The following STAC variants were observed in gnomAD, a reference collection of about 807,000 sequenced individuals.
STAC encodes SH3 and cysteine rich domain.
A neutral mutation model predicts 48.8 loss-of-function variants in STAC; 43 were observed. The observed-to-expected ratio is 0.88, with a 90% CI of 0.69 to 1.14. STAC has a LOEUF of 1.14. Ranked by LOEUF, STAC falls within the 50% of genes most tolerant of loss-of-function variation. STAC has a pLI of 0.00. For missense variants in STAC, 497 were observed against 504.0 expected (o/e 0.99, Z 0.13); for synonymous variants, 193 against 179.5 (o/e 1.07, Z -0.60).
At chr3:36,538,042 A>G (rs892466742) in intron 10 of STAC, among the ~76,000 whole-genome samples, 1 of 152,144 alleles carries the variant, frequency 6.6e-6, no homozygotes, top group Admixed American at 6.6e-5. Context: ...AAGAGGTATA[A>G]AAGATAAAAT....
intron 1 of STAC, among the ~76,000 whole-genome samples, chr3:36,392,331 C>A (rs932806411): frequency 8.6e-5 from 13 of 151,982 alleles, no homozygotes; most frequent in Non-Finnish European, 1.5e-5. Flanking sequence ...ATGCTAATAT[C>A]TAGTCCTTTC....
rs1350983890 is a variant in STAC at position 36,443,858 on chromosome 3, C to G, written c.388+218C>G. Among the ~76,000 whole-genome samples the G allele has an allele frequency of 6.6e-6, 1 of 152,176 alleles. No individual in the cohort carries two copies. The highest frequency in any genetic ancestry group is 1.9e-4 in the East Asian group (1 of 5,198). ...AGTTGGGTTGTGATATAGTTGTAAT[C>G]AGGACTTCAGCTGATCCCCTGTAGA... is the stretch of plus-strand genomic sequence containing the variant. On this transcript the variant is annotated intron_variant, in intron 2 of 10. Coordinates refer to ENST00000273183, the MANE Select transcript of STAC (RefSeq NM_003149.3). This position sits in a 1 kb window ranked among gnomAD's most constrained non-coding sequence, Gnocchi z 4.2.
chr3:36,404,891 A>G (rs998561340), intron 1 of STAC, among the ~76,000 whole-genome samples: 1 of 152,112 alleles, frequency 6.6e-6, no homozygotes, highest in African/African-American at 2.4e-5. Context: ...AAATTATATA[A>G]TATACAGCTA....
At chr3:36,439,067 C>T (rs1438000556) in intron 1 of STAC, among the ~76,000 whole-genome samples, 2 of 152,170 alleles carry the variant, frequency 1.3e-5, no homozygotes, top group African/African-American at 4.8e-5. Flanking sequence ...TGACTCTCCT[C>T]CACTCCTCCA....
rs571797775 is a variant in STAC at position 36,403,313 on chromosome 3, C to A, written c.111+22559C>A. Among the ~76,000 whole-genome samples, 6 of 151,998 alleles carry A rather than the reference C, an allele frequency of 3.9e-5. No homozygotes were observed. In the South Asian group the frequency reaches 1.2e-3, roughly 32 times the overall value. On this transcript the variant is annotated intron_variant, in intron 1 of 10. Transcript: ENST00000273183. Reference sequence around the variant, plus strand: ...ATCTCCCAATACATAGAACAAACGACAGATAATTAATAAAAGAAAGGTCTT... The same window carrying A: ...ATCTCCCAATACATAGAACAAACGAAAGATAATTAATAAAAGAAAGGTCTT...
rs1298335840 is a variant in STAC at position 36,443,734 on chromosome 3, C to T, written c.388+94C>T. ...GGGTCCAGGTACCTACGGACAGATG[C>T]TAGGCCTCAGAGATTTACATGTGGG... On this transcript the variant is annotated intron_variant, in intron 2 of 10. Coordinates refer to ENST00000273183, the MANE Select transcript of STAC (RefSeq NM_003149.3). This position sits in a 1 kb window ranked among gnomAD's most constrained non-coding sequence, Gnocchi z 4.2. 1 of 1,467,866 alleles carries T rather than the reference C, an allele frequency of 6.8e-7. No homozygotes were observed. The highest frequency in any genetic ancestry group is 9.2e-7 in the Non-Finnish European group (1 of 1,081,962). The allele number at this position is 1,467,866 out of a possible 1,614,324, so 90.9% of individuals were successfully genotyped here. A position where few individuals can be genotyped will look rare whatever the true frequency, so the allele number is the denominator to read the frequency against.
chr3:36,400,209 G>T (rs1699972787), intron 1 of STAC, among the ~76,000 whole-genome samples: 1 of 152,180 alleles, frequency 6.6e-6, no homozygotes, highest in Non-Finnish European at 1.5e-5. Context: ...CTATGTTTCA[G>T]ATTCAGATAG....
intron 1 of STAC, among the ~76,000 whole-genome samples, chr3:36,430,243 G>A (rs187267594): frequency 5.4e-4 from 83 of 152,320 alleles, no homozygotes; most frequent in African/African-American, 1.9e-3. Context: ...TGACCTCAGC[G>A]TATAGAATAA....
At chr3:36,445,350 G>GA (rs76365780) in intron 2 of STAC, among the ~76,000 whole-genome samples, 8,064 of 151,610 alleles carry the variant, frequency 0.053, 527 homozygotes, top group East Asian at 0.3. Flanking sequence ...TATAAAGAAA[G>GA]AAAAAAAAGA....
chr3:36,387,922 C>T (rs1473308491), intron 1 of STAC, among the ~76,000 whole-genome samples: 1 of 152,066 alleles, frequency 6.6e-6, no homozygotes, highest in East Asian at 1.9e-4. Flanking sequence ...CTATTTTCCA[C>T]AGTGGTCGCA....
At chr3:36,460,194 A>G (rs1696970842) in intron 2 of STAC, among the ~76,000 whole-genome samples, 1 of 151,952 alleles carries the variant, frequency 6.6e-6, no homozygotes, top group African/African-American at 2.4e-5. Flanking sequence ...TAGACCAAGC[A>G]CTTCCCTCAG....
intron 1 of STAC, among the ~76,000 whole-genome samples, chr3:36,398,380 G>GA (rs1699912996): frequency 2.2e-5 from 3 of 134,536 alleles, no homozygotes; most frequent in African/African-American, 2.8e-5. Flanking sequence ...AAGAAAGAGA[G>GA]AAAGAAAGAA....
At chr3:36,546,008 G>A (rs1699435076) in intron 10 of STAC, among the ~76,000 whole-genome samples, 183 bp from the exon 11 acceptor site, 1 of 151,506 alleles carries the variant, frequency 6.6e-6, no homozygotes, top group Non-Finnish European at 1.5e-5. Context: ...TCCAAACCTA[G>A]GTTTTTGCCT....
At chr3:36,492,525 TA>T (rs1386143667) in intron 5 of STAC, among the ~76,000 whole-genome samples, 1 of 152,208 alleles carries the variant, frequency 6.6e-6, no homozygotes, top group Non-Finnish European at 1.5e-5. Context: ...ATAAAGTCCT[TA>T]AAAACATTAC....
chr3:36,393,077 C>T (rs1285024546), intron 1 of STAC, among the ~76,000 whole-genome samples: 2 of 152,218 alleles, frequency 1.3e-5, no homozygotes, highest in African/African-American at 4.8e-5. Context: ...ATTACACCCT[C>T]TCTAGAATCT....
At chr3:36,398,409 A>AGG in intron 1 of STAC, among the ~76,000 whole-genome samples, 1 of 141,588 alleles carries the variant, frequency 7.1e-6, no homozygotes, top group Non-Finnish European at 1.5e-5. Context: ...AAAGAGAAAG[A>AGG]GAGAGGGAAG....
In STAC at chr3:36,408,310, T is replaced by C. The variant is rs577687694; in HGVS notation, c.111+27556T>C. Among the ~76,000 whole-genome samples, 19 of 152,326 alleles carry C rather than the reference T, an allele frequency of 1.2e-4. 1 individual carries two copies. In the South Asian group the frequency reaches 3.7e-3, roughly 30 times the overall value. On this transcript the variant is annotated intron_variant, in intron 1 of 10. Transcript: ENST00000273183. ...TGTTGTCTTCTTCCTCCTCTTCTTA[T>C]ACCCTTCTTTCTGCTCATCTCCTCC...
intron 6 of STAC, among the ~76,000 whole-genome samples, chr3:36,497,044 T>C (rs1698167470): frequency 1.3e-5 from 2 of 151,488 alleles, no homozygotes; most frequent in South Asian, 2.1e-4. Context: ...AAAGGCAAGC[T>C]CAGATCTGGA....
chr3:36,484,885 G>A (rs1200572500), intron 3 of STAC, 92 bp from the exon 4 acceptor site: 2 of 983,336 alleles, frequency 2.0e-6, no homozygotes, highest in African/African-American at 3.4e-5. Flanking sequence ...GGTGCTCCTG[G>A]AGAAACCAAT....
Sources: allele counts gnomAD v4.1 joint callset (sites outside exome capture counted in the v4.1 genomes callset), GRCh38; gene constraint gnomAD v4.1.1; non-coding constraint Gnocchi (gnomAD v3.1); transcripts MANE v1.5; gene names NCBI Gene and HGNC (gene_info 2026-07-23, HGNC 2026-07-21).